Variants in CDC42SE2 observed in about 807,000 individuals in gnomAD.
CDC42SE2 encodes CDC42 small effector 2.
CDC42SE2 carries 3 observed loss-of-function variants against 11.5 expected under a neutral mutation model. The observed-to-expected ratio is 0.26, with a 90% confidence interval of 0.12 to 0.67. The LOEUF (loss-of-function observed/expected upper bound fraction) is 0.67. CDC42SE2 is among the 30% of genes least tolerant of loss of function. The pLI is 0.80. For missense variants in CDC42SE2, 82 were observed against 106.8 expected (o/e 0.77, Z 1.02); for synonymous variants, 33 against 34.8 (o/e 0.95, Z 0.18).
the CDC42SE2 span, among the ~76,000 whole-genome samples, chr5:131,224,945 G>A: frequency 6.6e-6 from 1 of 151,912 alleles, no homozygotes; most frequent in South Asian, 2.1e-4. Context: ...CCCAGCAGGG[G>A]ACCTAGAGGC....
chr5:131,250,674 T>G (rs1756632181), intron 1 of CDC42SE2, among the ~76,000 whole-genome samples: 1 of 152,152 alleles, frequency 6.6e-6, no homozygotes, highest in Non-Finnish European at 1.5e-5. Context: ...TCATTACACA[T>G]TTGTCAAAAC....
intron 1 of CDC42SE2, among the ~76,000 whole-genome samples, chr5:131,271,352 A>C (rs149020290): frequency 6.6e-6 from 1 of 152,306 alleles, no homozygotes; most frequent in East Asian, 1.9e-4. Flanking sequence ...CAGATTTCAC[A>C]TCTGAGGATT....
chr5:131,349,955 G>C (rs956303138), intron 2 of CDC42SE2, among the ~76,000 whole-genome samples: 1 of 151,970 alleles, frequency 6.6e-6, no homozygotes, highest in Admixed American at 6.6e-5. Context: ...AATAGAATTT[G>C]TGAAAACAAA....
At chr5:131,283,906 A>C (rs1222710112) in intron 1 of CDC42SE2, among the ~76,000 whole-genome samples, 1 of 152,220 alleles carries the variant, frequency 6.6e-6, no homozygotes, top group Non-Finnish European at 1.5e-5. Flanking sequence ...GTTATGAATA[A>C]TGCTGCTATA....
chr5:131,253,602 TA>T (rs1456568106), intron 1 of CDC42SE2, among the ~76,000 whole-genome samples: 1 of 151,994 alleles, frequency 6.6e-6, no homozygotes, highest in Non-Finnish European at 1.5e-5. Flanking sequence ...CTATCTCTAT[TA>T]AAAATACAAA....
chr5:131,317,969 G>A (rs2149730775), intron 2 of CDC42SE2, among the ~76,000 whole-genome samples: 1 of 151,966 alleles, frequency 6.6e-6, no homozygotes, highest in African/African-American at 2.4e-5. Context: ...AGGCTGGAGT[G>A]TGATCTTGGC....
intron 1 of CDC42SE2, among the ~76,000 whole-genome samples, chr5:131,277,389 G>A (rs904855202): frequency 6.6e-6 from 1 of 152,158 alleles, no homozygotes; most frequent in African/African-American, 2.4e-5. Flanking sequence ...ACAATTAATA[G>A]GTGTGACCCC....
At chr5:131,313,462 A>G (rs1327625632) in intron 1 of CDC42SE2, among the ~76,000 whole-genome samples, 1 of 152,220 alleles carries the variant, frequency 6.6e-6, no homozygotes, top group African/African-American at 2.4e-5. Flanking sequence ...TAAGGCCACA[A>G]AGATTTTATG....
chr5:131,366,715 T>C (rs2149776407), intron 3 of CDC42SE2, among the ~76,000 whole-genome samples: 3 of 152,314 alleles, frequency 2.0e-5, no homozygotes, highest in Middle Eastern at 6.8e-3. Flanking sequence ...CAAACTGTAA[T>C]ATATTTGGTA....
At chr5:131,268,790 C>G (rs557133372) in intron 1 of CDC42SE2, among the ~76,000 whole-genome samples, 1 of 118,266 alleles carries the variant, frequency 8.5e-6, no homozygotes, top group African/African-American at 3.4e-5. Context: ...CAGAGTCTGT[C>G]GCCAGGCTGG....
chr5:131,377,843 T>C (rs1750201623), intron 3 of CDC42SE2, among the ~76,000 whole-genome samples: 1 of 152,270 alleles, frequency 6.6e-6, no homozygotes, highest in Non-Finnish European at 1.5e-5. Context: ...TGGCATTACA[T>C]TGTTTACATC....
At chr5:131,268,754 CTTTTTT>C (rs11370516) in intron 1 of CDC42SE2, among the ~76,000 whole-genome samples, 1 of 96,890 alleles carries the variant, frequency 1.0e-5, no homozygotes, top group Non-Finnish European at 1.9e-5. Flanking sequence ...ACCCGGATTG[CTTTTTT>C]TTTTTTTTTT....
At chr5:131,298,981 G>C (rs920728512) in intron 1 of CDC42SE2, among the ~76,000 whole-genome samples, 2 of 152,170 alleles carry the variant, frequency 1.3e-5, no homozygotes, top group Admixed American at 6.5e-5. Flanking sequence ...ATTCCTGAAG[G>C]AAATGATAGC....
chr5:131,301,030 G>A (rs1030484580), intron 1 of CDC42SE2, among the ~76,000 whole-genome samples: 3 of 152,266 alleles, frequency 2.0e-5, no homozygotes, highest in Admixed American at 6.5e-5. Context: ...TCTCAGGGAG[G>A]TAACCTCCCA....
At chr5:131,269,954 G>A (rs966268148) in intron 1 of CDC42SE2, among the ~76,000 whole-genome samples, 9 of 152,162 alleles carry the variant, frequency 5.9e-5, no homozygotes, top group African/African-American at 1.7e-4. Context: ...CCAGCCACTT[G>A]GGAGTCTGAG....
At chr5:131,356,577 A>G (rs1191226918) in intron 2 of CDC42SE2, among the ~76,000 whole-genome samples, 1 of 152,198 alleles carries the variant, frequency 6.6e-6, no homozygotes, top group Non-Finnish European at 1.5e-5. Context: ...GTTTGAAAAT[A>G]TATTTTAGCA....
chr5:131,367,560 A>G (rs534947938), intron 3 of CDC42SE2, among the ~76,000 whole-genome samples: 101 of 152,072 alleles, frequency 6.6e-4, no homozygotes, highest in South Asian at 2.9e-3. Context: ...ATTTCATGGT[A>G]TTGTTCTTTT....
chr5:131,304,272 C>T (rs750767532), intron 1 of CDC42SE2, among the ~76,000 whole-genome samples: 3 of 152,174 alleles, frequency 2.0e-5, no homozygotes, highest in Non-Finnish European at 4.4e-5. Context: ...GCATGAGACA[C>T]TGTACCCGGC....
At chr5:131,307,991 C>T (rs189028326) in intron 1 of CDC42SE2, among the ~76,000 whole-genome samples, 3,571 of 152,178 alleles carry the variant, frequency 0.023, 72 homozygotes, top group Non-Finnish European at 0.037. Context: ...GAGTAGGTTG[C>T]GAAAATTTTC....
Sources: allele counts gnomAD v4.1 joint callset (sites outside exome capture counted in the v4.1 genomes callset), GRCh38; gene constraint gnomAD v4.1.1; transcripts MANE v1.5; gene names NCBI Gene and HGNC (gene_info 2026-07-23, HGNC 2026-07-21).